TCEA3: variants seen among roughly 807,000 people sequenced by gnomAD.
TCEA3 encodes transcription elongation factor A protein 3.
TCEA3 carries 36 observed loss-of-function variants against 44.0 expected under a neutral mutation model. The ratio of observed to expected loss-of-function variants is 0.82; its 90% CI spans 0.63 to 1.08. TCEA3 has a LOEUF of 1.08. Among genes scored for constraint, TCEA3 ranks in the 50% least tolerant of loss-of-function variants. The probability of loss-of-function intolerance (pLI) is 0.00; values close to 1 mark genes in which losing one functional copy is unlikely to be tolerated. For missense variants in TCEA3, 392 were observed against 441.2 expected (o/e 0.89, Z 1.00); for synonymous variants, 162 against 159.7 (o/e 1.01, Z -0.11).
chr1:23,398,347 C>T (rs1033243306), intron 5 of TCEA3, among the ~76,000 whole-genome samples: 7 of 152,212 alleles, frequency 4.6e-5, no homozygotes, highest in Non-Finnish European at 7.3e-5. Flanking sequence ...ATTGATTAGG[C>T]ACTGTGCTAG....
At chr1:23,414,514 G>A (rs1189098133) in intron 4 of TCEA3, among the ~76,000 whole-genome samples, 1 of 152,136 alleles carries the variant, frequency 6.6e-6, no homozygotes, top group Non-Finnish European at 1.5e-5. Flanking sequence ...GTGATTTCCT[G>A]CCTCAGTCTC....
At position 23,408,482 on chromosome 1, in the gene TCEA3, A is replaced by G. The variant is rs950042126; in HGVS notation, c.443+182T>C. 7 of 575,642 alleles carry G rather than the reference A, an allele frequency of 1.2e-5. No homozygotes were observed. The Admixed American group carries it at 1.9e-4, about 16-fold the overall frequency. The allele number at this position is 575,642 out of a possible 1,614,324, so 35.7% of individuals were successfully genotyped here. ...CCACAGAGAGATCAAAGGCACATCCAGAGGGTCCCCCAGGGCTGAAATGTG... is the reference window on the plus strand; with the variant it reads ...CCACAGAGAGATCAAAGGCACATCCGGAGGGTCCCCCAGGGCTGAAATGTG... On this transcript the variant is annotated intron_variant, in intron 5 of 10. Transcript: ENST00000450454.
At chr1:23,417,459 G>C in intron 3 of TCEA3, 69 bp from the exon 4 acceptor site, 3 of 1,551,924 alleles carry the variant, frequency 1.9e-6, no homozygotes, top group Non-Finnish European at 1.7e-6. Flanking sequence ...ATGACTTAGT[G>C]GGGAGAGAGC....
chr1:23,392,419 A>ACACACATACTCCACACATCATACACACTG (rs1639069468), intron 8 of TCEA3, among the ~76,000 whole-genome samples: 3 of 13,708 alleles, frequency 2.2e-4, no homozygotes, highest in Non-Finnish European at 4.6e-4. Flanking sequence ...CATGCACAAT[A>ACACACATACTCCACACATCATACACACTG]CACACACACT....
rs1260126676 is a variant in TCEA3 at position 23,418,351 on chromosome 1, G to A, written c.133-342C>T. On this transcript the variant is annotated intron_variant, in intron 2 of 10. Coordinates refer to ENST00000450454, the MANE Select transcript of TCEA3 (RefSeq NM_003196.3). ...TTTTGAGATGGAGTCTCGCTATGTTGCCCAGGCTGGAGTGCAGTGGTGCAA... is the reference window on the plus strand; with the variant it reads ...TTTTGAGATGGAGTCTCGCTATGTTACCCAGGCTGGAGTGCAGTGGTGCAA... 5 of 254,538 alleles carry A rather than the reference G, an allele frequency of 2.0e-5. No homozygotes were observed. The East Asian group carries it at 4.2e-4, about 21-fold the overall frequency. The allele number at this position is 254,538 out of a possible 1,614,324, so 15.8% of individuals were successfully genotyped here. A position where few individuals can be genotyped will look rare whatever the true frequency, so the allele number is the denominator to read the frequency against.
rs192152866 is a variant in TCEA3, at chr1:23,383,196, T to C, written c.1038+1150A>G. Among the ~76,000 whole-genome samples, 620 of 148,868 alleles carry C rather than the reference T, an allele frequency of 4.2e-3. 6 individuals are homozygous for C. The highest frequency in any genetic ancestry group is 0.015 in the African/African-American group (593 of 40,220). ...TCAGGAGGCTGAGGCAGGAGAATGG[T>C]GTGAACCTGGGGGGTGGAGCTTGCA... On this transcript the variant is annotated intron_variant, in intron 10 of 10. Coordinates refer to ENST00000450454, the MANE Select transcript of TCEA3 (RefSeq NM_003196.3).
intron 5 of TCEA3, among the ~76,000 whole-genome samples, chr1:23,408,041 A>C (rs1197423562): frequency 1.3e-5 from 2 of 151,932 alleles, no homozygotes; most frequent in African/African-American, 4.8e-5. Context: ...GGCTCACTGC[A>C]ACCTCTGCCT....
rs1638762948 is a variant in TCEA3 at position 23,384,414 on chromosome 1, G to A, written c.970C>T (p.Gln324Ter). 1.9e-6 allele frequency: 3 copies of A among 1,612,384 alleles called. No homozygotes were observed. Among genetic ancestry groups the A allele is most frequent in the Non-Finnish European group, 2.5e-6 (3 of 1,179,106 alleles). The change falls in exon 10 of 11, where the codon CAG becomes TAG. Residue 324 changes from glutamine (Q) to a stop codon, truncating the protein, a stop_gained. Transcript: ENST00000450454. LOFTEE classifies it high-confidence loss of function. Reference sequence around the variant, plus strand: ...ATGGGCTCATCAGCACTGCGTGTCTGCACCTGAGAGAGAGAAGAACCACTC... The same window carrying A: ...ATGGGCTCATCAGCACTGCGTGTCTACACCTGAGAGAGAGAAGAACCACTC... ...KKKNCTYNQV[Q>*]TRSADEPMTT...
chr1:23,424,114 C>T (rs1011039793), intron 1 of TCEA3, among the ~76,000 whole-genome samples: 1 of 152,148 alleles, frequency 6.6e-6, no homozygotes, highest in Non-Finnish European at 1.5e-5. Flanking sequence ...CTCAGTACCC[C>T]CGTCAGCCCA....
At chr1:23,385,843 C>A (rs1239965780) in intron 9 of TCEA3, among the ~76,000 whole-genome samples, 1 of 152,210 alleles carries the variant, frequency 6.6e-6, no homozygotes, top group African/African-American at 2.4e-5. Flanking sequence ...ACCAAGTTAG[C>A]TGGATTGCAG....
chr1:23,415,054 C>A, intron 4 of TCEA3, among the ~76,000 whole-genome samples: 1 of 124,040 alleles, frequency 8.1e-6, no homozygotes, highest in African/African-American at 2.9e-5. Flanking sequence ...AACAGAGTCT[C>A]ACTCTGTTGT....
intron 1 of TCEA3, chr1:23,423,879 C>G (rs1449015392): frequency 2.2e-6 from 1 of 455,990 alleles, no homozygotes; most frequent in East Asian, 7.0e-5. Flanking sequence ...GCCCGCTCCT[C>G]CCTCCGCCCT....
intron 4 of TCEA3, among the ~76,000 whole-genome samples, chr1:23,414,337 G>T (rs1224474986): frequency 1.3e-5 from 2 of 151,974 alleles, no homozygotes; most frequent in Non-Finnish European, 2.9e-5. Flanking sequence ...TGATCTGCCC[G>T]CCTCAGCCTC....
At chr1:23,400,532 T>G (rs1639369079) in intron 5 of TCEA3, among the ~76,000 whole-genome samples, 1 of 152,060 alleles carries the variant, frequency 6.6e-6, no homozygotes, top group Non-Finnish European at 1.5e-5. Context: ...GTTGCACAAC[T>G]CCCTCCCTCC....
chr1:23,401,615 C>T (rs946594094), intron 5 of TCEA3, among the ~76,000 whole-genome samples: 1 of 152,162 alleles, frequency 6.6e-6, no homozygotes, highest in South Asian at 2.1e-4. Context: ...GGGTTCCCAC[C>T]TGAACAGTCA....
intron 4 of TCEA3, among the ~76,000 whole-genome samples, chr1:23,413,771 T>C (rs1403486327): frequency 6.6e-6 from 1 of 152,144 alleles, no homozygotes; most frequent in Non-Finnish European, 1.5e-5. Context: ...AAGATATACA[T>C]TAAAATGTTA....
intron 9 of TCEA3, 130 bp downstream of exon 9, chr1:23,387,134 TGAGCCACCG>T (rs1401865272): frequency 8.7e-7 from 1 of 1,145,764 alleles, no homozygotes; most frequent in Non-Finnish European, 1.2e-6. Flanking sequence ...ATTACAGACA[TGAGCCACCG>T]CACCCGGCAA....
At chr1:23,406,106 G>C (rs1489328247) in intron 5 of TCEA3, among the ~76,000 whole-genome samples, 1 of 152,128 alleles carries the variant, frequency 6.6e-6, no homozygotes, top group Non-Finnish European at 1.5e-5. Context: ...TTCTAGGCCT[G>C]ACCCACATCA....
chr1:23,423,110 C>T (rs2148589232), intron 1 of TCEA3, among the ~76,000 whole-genome samples: 1 of 152,306 alleles, frequency 6.6e-6, no homozygotes, highest in Non-Finnish European at 1.5e-5. Flanking sequence ...AGACTTGTGG[C>T]TCAGTTGTAC....
Sources: gnomAD v4.1 joint callset for allele counts (sites outside exome capture counted in the v4.1 genomes callset) on GRCh38, gnomAD v4.1.1 for gene constraint, MANE v1.5 for transcripts, NCBI Gene and HGNC (gene_info 2026-07-23, HGNC 2026-07-21) for gene names.